LRIF1: variants seen among roughly 807,000 people sequenced by gnomAD.
The protein encoded by LRIF1 is ligand dependent nuclear receptor interacting factor 1, also known as ligand-dependent nuclear receptor-interacting factor 1.
In LRIF1, 32 loss-of-function variants were observed where a neutral mutation model predicts 52.7. The ratio of observed to expected loss-of-function variants is 0.61; its 90% CI spans 0.46 to 0.82. The LOEUF is 0.82. LRIF1 is among the 40% of genes least tolerant of loss of function. The pLI is 0.00. For synonymous variants in LRIF1, 323 were observed against 317.4 expected, an observed-to-expected ratio of 1.02 and a Z score of -0.19; for missense variants, 887 against 892.0, an observed-to-expected ratio of 0.99 and a Z score of 0.07.
chr1:110,883,585 C>CT, the LRIF1 span, among the ~76,000 whole-genome samples: 1 of 151,904 alleles, frequency 6.6e-6, no homozygotes, highest in South Asian at 2.1e-4. Flanking sequence ...GTGTACCCTC[C>CT]TTTTCTATTT....
downstream of LRIF1, chr1:110,945,227 C>A (rs1462917948): frequency 6.6e-6 from 1 of 151,996 alleles, no homozygotes; most frequent in African/African-American, 2.4e-5. Context: ...ATAAGGACCT[C>A]ATTTTGATCA....
the LRIF1 span, among the ~76,000 whole-genome samples, chr1:110,915,760 T>C: frequency 1.3e-5 from 2 of 152,212 alleles, no homozygotes; most frequent in East Asian, 1.9e-4. Flanking sequence ...TCACTACTTG[T>C]TCAAATGCTA....
the LRIF1 span, among the ~76,000 whole-genome samples, chr1:110,931,804 T>C: frequency 2.0e-5 from 3 of 152,234 alleles, no homozygotes; most frequent in Non-Finnish European, 4.4e-5. Flanking sequence ...TGTCTGTTCA[T>C]ATCCTTTGCC....
the LRIF1 span, among the ~76,000 whole-genome samples, chr1:110,909,437 T>C: frequency 6.6e-6 from 1 of 151,996 alleles, no homozygotes; most frequent in Non-Finnish European, 1.5e-5. Flanking sequence ...AGTGGCAAGT[T>C]GAATAAAGAA....
At chr1:110,891,529 C>A in the LRIF1 span, 1 of 1,326,832 alleles carries the variant, frequency 7.5e-7, no homozygotes, top group Non-Finnish European at 1.1e-6. Flanking sequence ...AAGCTCTCCT[C>A]ATTCCTCTAC....
At position 110,948,256 on chromosome 1, in the gene LRIF1, T is replaced by C. The variant is rs1658294419; in HGVS notation, c.2013A>G (p.Pro671=). 1 of 1,614,176 alleles carries C rather than the reference T, an allele frequency of 6.2e-7. No homozygotes were observed. Among genetic ancestry groups the C allele is most frequent in the Non-Finnish European group, 8.5e-7 (1 of 1,180,014 alleles). The part of the protein sequence containing the change: ...TGSQLLSSIL[P]TSDVSQHNIL... ...TGTTATGTTGTGACACATCTGAAGTTGGTAAAATACTGCTTAGGAGTTGGG... is the reference window on the plus strand; with the variant it reads ...TGTTATGTTGTGACACATCTGAAGTCGGTAAAATACTGCTTAGGAGTTGGG... Residue 671 remains proline (P), a synonymous_variant, in exon 4 of 4, where the codon CCA becomes CCG. Transcript: ENST00000369763.
the LRIF1 span, among the ~76,000 whole-genome samples, chr1:110,930,988 A>ATT: frequency 3.0e-5 from 4 of 131,226 alleles, no homozygotes; most frequent in East Asian, 1.0e-3. Context: ...GCAGCATGAC[A>ATT]TTTTTTTTTT....
At chr1:110,899,303 T>A in the LRIF1 span, 1 of 765,956 alleles carries the variant, frequency 1.3e-6, no homozygotes, top group Non-Finnish European at 2.2e-6. Context: ...CCTCCCATCC[T>A]TTCCCTTTTT....
intron 2 of LRIF1, 152 bp downstream of exon 2, chr1:110,951,136 G>T: frequency 1.6e-6 from 1 of 619,256 alleles, no homozygotes; most frequent in Non-Finnish European, 2.7e-6. Flanking sequence ...TGCTCAGATG[G>T]AAGTTTTGAC....
downstream of LRIF1, chr1:110,943,550 A>G (rs1658137270): frequency 1.3e-5 from 2 of 152,150 alleles, no homozygotes; most frequent in South Asian, 4.1e-4. Flanking sequence ...CCAAGTATTT[A>G]TAAATATAAC....
At chr1:110,886,862 TA>T in the LRIF1 span, among the ~76,000 whole-genome samples, 1,388 of 76,996 alleles carry the variant, frequency 0.018, 51 homozygotes, top group East Asian at 0.15. Context: ...TATATATATA[TA>T]TATATATTTT....
chr1:110,897,751 T>A, the LRIF1 span: 1 of 1,032,754 alleles, frequency 9.7e-7, no homozygotes, highest in South Asian at 1.3e-5. Flanking sequence ...TCCAAATACT[T>A]CCTCTTGATA....
At chr1:110,907,741 C>T in the LRIF1 span, among the ~76,000 whole-genome samples, 1 of 152,022 alleles carries the variant, frequency 6.6e-6, no homozygotes, top group African/African-American at 2.4e-5. Context: ...CTCACACACA[C>T]AAAAAAAGTT....
chr1:110,892,463 C>T, the LRIF1 span: 3 of 1,614,134 alleles, frequency 1.9e-6, no homozygotes, highest in Non-Finnish European at 2.5e-6. Flanking sequence ...ATCGTGGGCT[C>T]TATTATCATG....
At chr1:110,894,905 C>A in the LRIF1 span, 4 of 1,365,182 alleles carry the variant, frequency 2.9e-6, no homozygotes, top group Non-Finnish European at 4.2e-6. Context: ...ATTCCTTATT[C>A]CTTGAACTCA....
At chr1:110,885,487 G>A in the LRIF1 span, among the ~76,000 whole-genome samples, 3 of 152,082 alleles carry the variant, frequency 2.0e-5, no homozygotes, top group Non-Finnish European at 2.9e-5. Context: ...GCAGTGAGCC[G>A]AGATCGCGCC....
chr1:110,899,319 C>T, the LRIF1 span: 560 of 673,214 alleles, frequency 8.3e-4, 2 homozygotes, highest in African/African-American at 9.2e-3. Context: ...TTTTTAGGTC[C>T]CTGTCTTATA....
the LRIF1 span, among the ~76,000 whole-genome samples, chr1:110,898,807 T>C: frequency 1.6e-4 from 24 of 152,274 alleles, no homozygotes; most frequent in Non-Finnish European, 2.9e-4. Flanking sequence ...AGAGCATGGA[T>C]AGAGATAACT....
the LRIF1 span, among the ~76,000 whole-genome samples, chr1:110,928,753 T>C: frequency 6.6e-6 from 1 of 152,182 alleles, no homozygotes; most frequent in African/African-American, 2.4e-5. Context: ...AGACTGGGAA[T>C]ATGCCTGCTA....
Sources: allele counts gnomAD v4.1 joint callset (sites outside exome capture counted in the v4.1 genomes callset), GRCh38; gene constraint gnomAD v4.1.1; transcripts MANE v1.5; gene names NCBI Gene and HGNC (gene_info 2026-07-23, HGNC 2026-07-21).